Variants in FRMPD4 observed in about 807,000 individuals in gnomAD.
FRMPD4 encodes the protein FERM and PDZ domain containing 4, also known as FERM and PDZ domain-containing protein 4.
In FRMPD4, 22 loss-of-function variants were observed where a neutral mutation model predicts 94.1. The ratio of observed to expected loss-of-function variants is 0.23; its 90% confidence interval spans 0.17 to 0.33. The LOEUF is 0.33. Ranked by LOEUF, FRMPD4 falls within the 10% of genes least tolerant of loss-of-function variation. The probability of loss-of-function intolerance (pLI) is 1.00; values close to 1 mark genes in which losing one functional copy is unlikely to be tolerated. For missense variants in FRMPD4, 1,111 were observed against 1,339.9 expected, an observed-to-expected ratio of 0.83 and a Z score of 2.67; for synonymous variants, 631 against 548.6, an observed-to-expected ratio of 1.15 and a Z score of -2.10.
chrX:12,227,751 T>C (rs1458736235), intron 1 of FRMPD4, among the ~76,000 whole-genome samples: 1 of 109,775 alleles, frequency 9.1e-6, no homozygotes, highest in Non-Finnish European at 1.9e-5. Flanking sequence ...CAGTGAGCTA[T>C]GATTACACTA....
chrX:12,717,012 C>T lies in FRMPD4; in HGVS notation c.2553C>T (p.Asp851=), dbSNP rs779372037. 4.9e-5 allele frequency: 59 copies of T among 1,207,655 alleles called. 1 individual carries two copies. Among genetic ancestry groups the T allele is most frequent in the Middle Eastern group, 2.3e-4 (1 of 4,365 alleles). ...ATGAGATCCCCGTGTCCCTCATTGA[C>T]GCTGTGCCCACCAGCGCCGAAGGCA... ...QNDEIPVSLI[D]AVPTSAEGKC... Residue 851 remains aspartate, a synonymous_variant, in exon 15 of 17, where the codon GAC becomes GAT. Transcript: ENST00000675598.
In FRMPD4 at chrX:12,609,619, T is replaced by C. The variant is rs1201430347; in HGVS notation, c.159-102T>C. The C allele has an allele frequency of 8.3e-6, 6 of 719,650 alleles. No homozygotes were observed. The African/African-American group carries it at 8.4e-5, about 10-fold the overall frequency. 59.3% of individuals were successfully genotyped at this position (719,650 alleles called of 1,213,427 possible). A position where few individuals can be genotyped will look rare whatever the true frequency, so the allele number is the denominator to read the frequency against. ...GTCTCCCCAGATCTTTCTCACTCTCTACCAAAAAACAGGTTTTGAAATTAA... is the reference window on the plus strand; with the variant it reads ...GTCTCCCCAGATCTTTCTCACTCTCCACCAAAAAACAGGTTTTGAAATTAA... On this transcript the variant is annotated intron_variant, in intron 2 of 16. Coordinates refer to ENST00000675598, the MANE Select transcript of FRMPD4 (RefSeq NM_001368397.1).
chrX:12,378,240 T>C (rs1450694198), intron 1 of FRMPD4, among the ~76,000 whole-genome samples: 2 of 112,403 alleles, frequency 1.8e-5, no homozygotes, highest in East Asian at 5.6e-4. Flanking sequence ...GAAATTGGTA[T>C]TGTATTTTAG....
intron 3 of FRMPD4, among the ~76,000 whole-genome samples, chrX:11,951,016 G>A (rs766830701): frequency 1.0e-4 from 9 of 88,520 alleles, no homozygotes; most frequent in East Asian, 8.1e-4. Context: ...CCTAGATTGC[G>A]TCATTACACT....
At chrX:12,539,845 G>A (rs899256768) in intron 2 of FRMPD4, among the ~76,000 whole-genome samples, 1 of 111,276 alleles carries the variant, frequency 9.0e-6, no homozygotes, top group Non-Finnish European at 1.9e-5. Context: ...TGTTGGTCAG[G>A]CTGGTCTCGA....
chrX:12,365,664 A>G lies in FRMPD4; in HGVS notation c.42-133016A>G, dbSNP rs73448330. On this transcript the variant is annotated intron_variant, in intron 1 of 16. Transcript: ENST00000675598. ...CTATAATATGTCCTCCTTCTCCTTC[A>G]TCTCTTTGGATTCACTTGCCTCTAC... Among the ~76,000 whole-genome samples the G allele has an allele frequency of 7.7e-3, 856 of 111,327 alleles. 7 individuals are homozygous for G. Among genetic ancestry groups the G allele is most frequent in the African/African-American group, 0.027 (823 of 30,616 alleles).
At chrX:12,701,067 CTTTTTTT>C (rs34465193) in intron 9 of FRMPD4, among the ~76,000 whole-genome samples, 15 of 56,575 alleles carry the variant, frequency 2.7e-4, no homozygotes, top group Admixed American at 4.8e-4. Flanking sequence ...GTTTTGGCTT[CTTTTTTT>C]TTTTTTTTTT....
At chrX:12,568,755 T>C (rs1189634000) in intron 2 of FRMPD4, among the ~76,000 whole-genome samples, 1 of 112,200 alleles carries the variant, frequency 8.9e-6, no homozygotes, top group Non-Finnish European at 1.9e-5. Flanking sequence ...TCTAGGATTA[T>C]AAATTAGCAG....
At chrX:12,166,659 C>T (rs1179912821) in intron 1 of FRMPD4, among the ~76,000 whole-genome samples, 11 of 111,112 alleles carry the variant, frequency 9.9e-5, no homozygotes, top group Non-Finnish European at 1.7e-4. Context: ...TGGTAGAATT[C>T]GGCTGTGAAT....
chrX:12,693,691 AAAAAC>A (rs2060099577), intron 8 of FRMPD4, among the ~76,000 whole-genome samples: 2 of 112,296 alleles, frequency 1.8e-5, no homozygotes, highest in African/African-American at 3.2e-5. Flanking sequence ...TCTAATTTGG[AAAAAC>A]AAAACAAAAC....
At chrX:11,877,680 A>G (rs779671773) in intron 2 of FRMPD4, among the ~76,000 whole-genome samples, 1 of 112,193 alleles carries the variant, frequency 8.9e-6, no homozygotes, top group African/African-American at 3.2e-5. Context: ...TACAAAAGGC[A>G]GAGCCACTCC....
chrX:12,314,461 A>G (rs933327934), intron 1 of FRMPD4, among the ~76,000 whole-genome samples: 1 of 110,850 alleles, frequency 9.0e-6, no homozygotes, highest in Non-Finnish European at 1.9e-5. Flanking sequence ...CGGTTTTGGG[A>G]GTGAGACTGA....
intron 1 of FRMPD4, among the ~76,000 whole-genome samples, chrX:12,270,733 G>A (rs1015844719): frequency 1.8e-5 from 2 of 111,254 alleles, no homozygotes; most frequent in Non-Finnish European, 3.8e-5. Context: ...CTTACCCATC[G>A]TTTCTTCCGC....
intron 1 of FRMPD4, among the ~76,000 whole-genome samples, chrX:12,457,513 G>A (rs888574015): frequency 9.0e-6 from 1 of 111,295 alleles, no homozygotes; most frequent in Non-Finnish European, 1.9e-5. Flanking sequence ...TACTACATAC[G>A]GTATAGATAC....
intron 4 of FRMPD4, among the ~76,000 whole-genome samples, chrX:12,672,991 G>A (rs1020015698): frequency 1.8e-5 from 2 of 112,179 alleles, no homozygotes; most frequent in African/African-American, 6.5e-5. Flanking sequence ...ACTGGCATCT[G>A]TAATGTTTAC....
intron 1 of FRMPD4, among the ~76,000 whole-genome samples, chrX:12,151,779 A>G (rs1265840775): frequency 8.9e-6 from 1 of 111,752 alleles, no homozygotes; most frequent in African/African-American, 3.3e-5. Context: ...TACATGTACC[A>G]CGATTTACTT....
At chrX:12,133,859 C>T (rs139644631), upstream of FRMPD4, among the ~76,000 whole-genome samples, 1,217 of 111,958 alleles carry the variant, frequency 0.011, 19 homozygotes, top group African/African-American at 0.037. Flanking sequence ...GATTTGGCCA[C>T]TTCCATGCTA....
rs2147562833 is a variant in FRMPD4 at position 12,138,722 on chromosome X, A to G, written c.-250A>G. 6.5e-6 allele frequency: 2 copies of G among 306,175 alleles called. No individual in the cohort carries two copies. The highest frequency in any genetic ancestry group is 4.8e-5 in the East Asian group (1 of 20,873). 25.2% of individuals were successfully genotyped at this position (306,175 alleles called of 1,213,427 possible). The stretch of plus-strand genomic sequence containing the variant: ...TTGCGCCCTGCCTGGCTCCCTCTCC[A>G]TTGAGTTTTCCTGCCTCGGGTGCCT... On this transcript the variant is annotated 5_prime_UTR_variant, in exon 1 of 17. Coordinates refer to ENST00000675598, the MANE Select transcript of FRMPD4 (RefSeq NM_001368397.1).
chrX:12,669,081 GGTAAAGGTGACGGGAT>G (rs2059812664), intron 4 of FRMPD4, among the ~76,000 whole-genome samples: 2 of 111,578 alleles, frequency 1.8e-5, no homozygotes, highest in Non-Finnish European at 3.8e-5. Flanking sequence ...AATAAAATGT[GGTAAAGGTGACGGGAT>G]GTCCATCCAT....
Sources: gnomAD v4.1 joint callset for allele counts (sites outside exome capture counted in the v4.1 genomes callset) on GRCh38, gnomAD v4.1.1 for gene constraint, MANE v1.5 for transcripts, NCBI Gene and HGNC (gene_info 2026-07-23, HGNC 2026-07-21) for gene names.